KIAA1217: variants seen among roughly 807,000 people sequenced by gnomAD.
KIAA1217 encodes KIAA1217.
In KIAA1217, 88 loss-of-function variants were observed where a neutral mutation model predicts 163.9. The ratio of observed to expected loss-of-function variants is 0.54; its 90% CI spans 0.45 to 0.64. The LOEUF (loss-of-function observed/expected upper bound fraction) is 0.64. KIAA1217 is among the 30% of genes least tolerant of loss of function. The pLI is 0.00. For missense variants in KIAA1217, 2,372 were observed against 2,475.0 expected (o/e 0.96, Z 0.88); for synonymous variants, 903 against 923.1 (o/e 0.98, Z 0.39).
chr10:24,090,561 AG>A (rs2061901068), intron 2 of KIAA1217, among the ~76,000 whole-genome samples: 1 of 151,416 alleles, frequency 6.6e-6, no homozygotes, highest in Non-Finnish European at 1.5e-5. Flanking sequence ...GTGGACACAA[AG>A]TCTCTGCTTT....
chr10:23,962,437 T>A lies in KIAA1217; in HGVS notation c.-320-44788T>A, dbSNP rs115345619. Among the ~76,000 whole-genome samples, 816 of 152,366 alleles carry A rather than the reference T, an allele frequency of 5.4e-3. 7 individuals are homozygous for A. Among genetic ancestry groups the A allele is most frequent in the African/African-American group, 0.019 (792 of 41,580 alleles). ...CCAAGTTGTCTATCTGTTGTTATTA[T>A]TGCCCTTCTTTGTTGGAAATTTTCC... On this transcript the variant is annotated intron_variant, in intron 1 of 18. Coordinates refer to the KIAA1217 transcript ENST00000376462.
rs1210930891 is a variant in KIAA1217 at position 24,177,258 on chromosome 10, CATATATATATATATATATATATAT to C, written c.-170-42351_-170-42328del. Among the ~76,000 whole-genome samples the C allele has an allele frequency of 2.8e-4, 7 of 25,154 alleles. No individual in the cohort carries two copies. The East Asian group carries it at 0.018, about 64-fold the overall frequency. 16.5% of individuals were successfully genotyped at this position (25,154 alleles called of 152,430 possible). A position where few individuals can be genotyped will look rare whatever the true frequency, so the allele number is the denominator to read the frequency against. On this transcript the variant is annotated intron_variant, in intron 2 of 18. Coordinates refer to the KIAA1217 transcript ENST00000376462. Reference sequence around the variant, plus strand: ...CTAGCACGTTTTCACCTCTCACCATCATATATATATATATATATATATATATATATATATATATATTACAATTTC... The same window carrying C: ...CTAGCACGTTTTCACCTCTCACCATCATATATATATATATATTACAATTTC...
chr10:24,235,256 C>T (rs1474171559), intron 2 of KIAA1217, among the ~76,000 whole-genome samples: 7 of 152,220 alleles, frequency 4.6e-5, no homozygotes, highest in Admixed American at 2.0e-4. Flanking sequence ...AACTGGGCAC[C>T]ATAACCTGGC....
chr10:24,528,299 C>T lies in KIAA1217; in HGVS notation c.3082+180C>T, dbSNP rs1392430596. On this transcript the variant is annotated intron_variant, in intron 14 of 20. Transcript: ENST00000376454. Reference sequence around the variant, plus strand: ...GTTCCTTAGATCTTTACTACTATCTCTCTCTTTTTGTTTTTTTTTTTTGTT... The same window carrying T: ...GTTCCTTAGATCTTTACTACTATCTTTCTCTTTTTGTTTTTTTTTTTTGTT... Among the ~76,000 whole-genome samples the T allele has an allele frequency of 2.0e-5, 3 of 150,394 alleles. No homozygotes were observed. In the Admixed American group the frequency reaches 2.0e-4, roughly 10 times the overall value.
intron 3 of KIAA1217, among the ~76,000 whole-genome samples, chr10:24,393,205 A>G (rs2055219166): frequency 6.6e-6 from 1 of 152,190 alleles, no homozygotes; most frequent in South Asian, 2.1e-4. Context: ...ACTGAGATTT[A>G]GGGCAGTTTC....
chr10:24,438,121 A>G (rs922940519), intron 4 of KIAA1217, among the ~76,000 whole-genome samples: 3 of 152,076 alleles, frequency 2.0e-5, no homozygotes, highest in Admixed American at 6.6e-5. Flanking sequence ...GTGCCACCCA[A>G]CATTTATGGG....
intron 1 of KIAA1217, among the ~76,000 whole-genome samples, chr10:23,782,584 G>A (rs558899663): frequency 4.6e-5 from 7 of 152,084 alleles, no homozygotes; most frequent in East Asian, 3.9e-4. Flanking sequence ...ATGCATGAGC[G>A]AACACACCTG....
chr10:23,879,370 A>G (rs118029019), intron 1 of KIAA1217, among the ~76,000 whole-genome samples: 751 of 152,064 alleles, frequency 4.9e-3, no homozygotes, highest in Non-Finnish European at 8.2e-3. Flanking sequence ...CTAGCATTTA[A>G]AGGTCAAGGA....
chr10:24,284,547 G>A (rs944622370), intron 2 of KIAA1217, among the ~76,000 whole-genome samples: 3 of 152,166 alleles, frequency 2.0e-5, no homozygotes, highest in African/African-American at 7.2e-5. Context: ...TGCTGCAAAG[G>A]ACACGATTTT....
Position 24,276,990 on chromosome 10 carries a change from C to G in KIAA1217, c.354+57081C>G, listed in dbSNP as rs193096589. On this transcript the variant is annotated intron_variant, in intron 2 of 20. Transcript: ENST00000376454. ...CCCAAGCTGGTGTCAAATTCCTGACCTCAAGCAATCCTCCCACCTCGGCCT... is the reference window on the plus strand; with the variant it reads ...CCCAAGCTGGTGTCAAATTCCTGACGTCAAGCAATCCTCCCACCTCGGCCT... Among the ~76,000 whole-genome samples, 48 of 152,162 alleles carry G rather than the reference C, an allele frequency of 3.2e-4. 1 individual carries two copies. Among genetic ancestry groups the G allele is most frequent in the Non-Finnish European group, 6.2e-4 (42 of 68,014 alleles).
chr10:24,040,774 A>G (rs1653983295), intron 2 of KIAA1217, among the ~76,000 whole-genome samples: 1 of 152,192 alleles, frequency 6.6e-6, no homozygotes, highest in Non-Finnish European at 1.5e-5. Flanking sequence ...CATTTTTCAT[A>G]AGGCTGTGCT....
chr10:23,737,301 C>T (rs191650495), intron 1 of KIAA1217, among the ~76,000 whole-genome samples: 63 of 152,212 alleles, frequency 4.1e-4, no homozygotes, highest in Non-Finnish European at 8.5e-4. Context: ...CAGGTTCAAG[C>T]GATTCTTCTG....
intron 1 of KIAA1217, among the ~76,000 whole-genome samples, chr10:23,864,639 A>G (rs1444399599): frequency 6.6e-6 from 1 of 151,966 alleles, no homozygotes; most frequent in Admixed American, 6.6e-5. Context: ...ATAAATACAC[A>G]TGAATAGGGC....
At position 23,820,256 on chromosome 10, in the gene KIAA1217, C is replaced by T. The variant is rs113944733; in HGVS notation, c.-321+125022C>T. On this transcript the variant is annotated intron_variant, in intron 1 of 18. Transcript: ENST00000376462. ...CTTCTATTTCATATCCCTTATCTCA[C>T]AGAGCTTCACATATTAAACGGACAG... Among the ~76,000 whole-genome samples the T allele has an allele frequency of 5.1e-3, 784 of 152,268 alleles. 11 individuals carry two copies. Among genetic ancestry groups the T allele is most frequent in the African/African-American group, 0.017 (710 of 41,534 alleles).
At chr10:24,234,292 A>G (rs533739018) in intron 2 of KIAA1217, among the ~76,000 whole-genome samples, 3 of 152,158 alleles carry the variant, frequency 2.0e-5, no homozygotes, top group African/African-American at 7.2e-5. Flanking sequence ...AAAATCTGAA[A>G]CCTGAAACAC....
At chr10:24,542,637 A>T in intron 17 of KIAA1217, 56 bp from the exon 18 acceptor site, 2 of 1,595,566 alleles carry the variant, frequency 1.3e-6, no homozygotes, top group Non-Finnish European at 1.7e-6. Context: ...GTTATAGTCC[A>T]CTTTTTTGGG....
chr10:23,777,468 C>T (rs1476459093), intron 1 of KIAA1217, among the ~76,000 whole-genome samples: 2 of 152,048 alleles, frequency 1.3e-5, no homozygotes, highest in African/African-American at 4.8e-5. Flanking sequence ...TGCCTGGAAC[C>T]CGTTAGTCAT....
intron 2 of KIAA1217, among the ~76,000 whole-genome samples, chr10:24,186,545 C>T (rs576742072): frequency 6.6e-6 from 1 of 152,058 alleles, no homozygotes; most frequent in African/African-American, 2.4e-5. Flanking sequence ...TGGTTTTCTC[C>T]AGTGATAACT....
chr10:23,764,247 C>A (rs921648078), intron 1 of KIAA1217, among the ~76,000 whole-genome samples: 1 of 152,138 alleles, frequency 6.6e-6, no homozygotes, highest in African/African-American at 2.4e-5. Context: ...ATAAAAACCA[C>A]AATGAGTTAC....
Sources: allele counts gnomAD v4.1 joint callset (sites outside exome capture counted in the v4.1 genomes callset), GRCh38; gene constraint gnomAD v4.1.1; transcripts MANE v1.5; gene names NCBI Gene and HGNC (gene_info 2026-07-23, HGNC 2026-07-21).